FYN: variants seen among roughly 807,000 people sequenced by gnomAD.
The protein encoded by FYN is tyrosine-protein kinase Fyn.
A neutral mutation model predicts 70.2 loss-of-function variants in FYN; 10 were observed. The ratio of observed to expected loss-of-function variants is 0.14; its 90% CI spans 0.09 to 0.24. The LOEUF (loss-of-function observed/expected upper bound fraction) is 0.24. FYN is among the 10% of genes least tolerant of loss of function. FYN has a pLI of 1.00. For synonymous variants in FYN, 236 were observed against 248.6 expected (o/e 0.95, Z 0.48); for missense variants, 319 against 673.1 (o/e 0.47, Z 5.82).
At chr6:111,850,478 G>A (rs62413727) in intron 1 of FYN, among the ~76,000 whole-genome samples, 11,774 of 152,262 alleles carry the variant, frequency 0.077, 573 homozygotes, top group East Asian at 0.14. Context: ...AACCGTACGT[G>A]GAGTGATGTC....
At chr6:111,680,628 G>A (rs1798740839) in intron 12 of FYN, among the ~76,000 whole-genome samples, 1 of 152,204 alleles carries the variant, frequency 6.6e-6, no homozygotes, top group Admixed American at 6.5e-5. Flanking sequence ...CAAAAGCATC[G>A]TGACATTTCA....
intron 1 of FYN, among the ~76,000 whole-genome samples, chr6:111,861,593 T>G (rs1039587359): frequency 6.6e-6 from 1 of 152,144 alleles, no homozygotes; most frequent in African/African-American, 2.4e-5. Flanking sequence ...TTGGCCTACA[T>G]CCACAGAAAG....
chr6:111,713,002 T>C (rs1459513443), intron 5 of FYN, among the ~76,000 whole-genome samples: 1 of 152,232 alleles, frequency 6.6e-6, no homozygotes, highest in East Asian at 1.9e-4. Flanking sequence ...TTTCTGCATG[T>C]GTTCCAACAA....
chr6:111,820,133 G>A (rs1772612054), intron 2 of FYN: 1 of 152,200 alleles, frequency 6.6e-6, no homozygotes, highest in Non-Finnish European at 1.5e-5. Flanking sequence ...CCATGATACT[G>A]AATGGGAACC....
At chr6:111,803,595 C>T (rs1772056518) in intron 2 of FYN, among the ~76,000 whole-genome samples, 1 of 152,004 alleles carries the variant, frequency 6.6e-6, no homozygotes, top group Admixed American at 6.6e-5. Flanking sequence ...AGGAAGTAAT[C>T]CACTTCATAG....
intron 3 of FYN, among the ~76,000 whole-genome samples, chr6:111,769,880 G>A (rs186520148): frequency 3.9e-5 from 6 of 152,308 alleles, no homozygotes; most frequent in African/African-American, 1.4e-4. Flanking sequence ...CCAGCTGCCA[G>A]GGCTGGTAGA....
At chr6:111,809,460 G>A (rs1772254703) in intron 2 of FYN, among the ~76,000 whole-genome samples, 1 of 152,186 alleles carries the variant, frequency 6.6e-6, no homozygotes, top group Non-Finnish European at 1.5e-5. Flanking sequence ...GATTAGTCAT[G>A]GTGCTTCGTG....
intron 1 of FYN, among the ~76,000 whole-genome samples, chr6:111,869,725 C>T (rs916609004): frequency 1.3e-5 from 2 of 152,192 alleles, no homozygotes; most frequent in African/African-American, 2.4e-5. Context: ...CTCCTAGCAA[C>T]TTTGGGAGTC....
intron 3 of FYN, among the ~76,000 whole-genome samples, chr6:111,769,286 T>C (rs1184519380): frequency 1.3e-5 from 2 of 152,234 alleles, no homozygotes; most frequent in African/African-American, 4.8e-5. Context: ...TTCTGGCCTC[T>C]AATTAGTAAT....
chr6:111,839,605 A>G (rs1308246245), intron 2 of FYN, among the ~76,000 whole-genome samples: 1 of 152,178 alleles, frequency 6.6e-6, no homozygotes, highest in Non-Finnish European at 1.5e-5. Flanking sequence ...TCCAAGAGCC[A>G]TGTTTTCAAA....
intron 8 of FYN, among the ~76,000 whole-genome samples, chr6:111,701,896 G>A (rs982073340): frequency 2.0e-5 from 3 of 152,168 alleles, no homozygotes; most frequent in Non-Finnish European, 2.9e-5. Flanking sequence ...ATTAGTGCAA[G>A]GGATCAACAG....
chr6:111,699,887 AT>A (rs981259251), intron 9 of FYN: 13 of 603,228 alleles, frequency 2.2e-5, no homozygotes, highest in Non-Finnish European at 3.4e-5. Flanking sequence ...AACTTGAGCC[AT>A]TTGCCAATTT....
At chr6:111,670,603 T>C (rs767127106) in intron 13 of FYN, among the ~76,000 whole-genome samples, 3 of 143,454 alleles carry the variant, frequency 2.1e-5, no homozygotes, top group Non-Finnish European at 4.4e-5. Flanking sequence ...ATTTGTGGAA[T>C]GACTACAGAA....
chr6:111,678,036 C>CT (rs1798610380), intron 12 of FYN, among the ~76,000 whole-genome samples: 3 of 151,588 alleles, frequency 2.0e-5, no homozygotes, highest in African/African-American at 4.9e-5. Flanking sequence ...AGTGACCACT[C>CT]TGTCATTTCT....
intron 2 of FYN, among the ~76,000 whole-genome samples, chr6:111,786,575 T>C (rs535792891): frequency 2.6e-5 from 4 of 152,356 alleles, no homozygotes; most frequent in African/African-American, 7.2e-5. Flanking sequence ...ACCCAGTATA[T>C]ACCCAGTAAT....
chr6:111,870,406 A>G (rs1403295074), intron 1 of FYN, among the ~76,000 whole-genome samples: 2 of 152,224 alleles, frequency 1.3e-5, no homozygotes, highest in Admixed American at 6.5e-5. Context: ...ATAAACGTCT[A>G]TTGCTTTTGA....
rs553026858 is a variant in FYN at position 111,867,041 on chromosome 6, G to A, written c.-123+5927C>T. Among the ~76,000 whole-genome samples the A allele has an allele frequency of 2.0e-5, 3 of 152,104 alleles. No individual in the cohort carries two copies. In the South Asian group the frequency reaches 6.2e-4, roughly 32 times the overall value. On this transcript the variant is annotated intron_variant, in intron 1 of 13. Transcript: ENST00000354650. ...CTCCGCAGGCTCCTCTCCCATTCTG[G>A]GCCTGACTCCTCCTCTGTTCCTGGG...
intron 1 of FYN, among the ~76,000 whole-genome samples, chr6:111,853,211 T>A (rs138667677): frequency 6.6e-6 from 1 of 152,216 alleles, no homozygotes; most frequent in Admixed American, 6.5e-5. Flanking sequence ...AATGGTTTTA[T>A]GCATTGTAAG....
chr6:111,808,189 C>G (rs1435335326), intron 2 of FYN, among the ~76,000 whole-genome samples: 3 of 152,172 alleles, frequency 2.0e-5, no homozygotes, highest in Non-Finnish European at 4.4e-5. Context: ...TGCTGTGTTA[C>G]AAAGGCACTG....
Sources: gnomAD v4.1 joint callset for allele counts (sites outside exome capture counted in the v4.1 genomes callset) on GRCh38, gnomAD v4.1.1 for gene constraint, MANE v1.5 for transcripts, NCBI Gene and HGNC (gene_info 2026-07-23, HGNC 2026-07-21) for gene names.